The following SLC1A1 variants were observed in gnomAD, a reference collection of about 807,000 sequenced individuals.
SLC1A1 encodes solute carrier family 1 member 1, also known as excitatory amino acid transporter 3.
In SLC1A1, 43 loss-of-function variants were observed where a neutral mutation model predicts 53.3. The ratio of observed to expected loss-of-function variants is 0.81; its 90% CI spans 0.63 to 1.04. The LOEUF is 1.04. SLC1A1 is among the 50% of genes least tolerant of loss of function. The pLI is 0.00. For missense variants in SLC1A1, 748 were observed against 664.9 expected (o/e 1.12, Z -1.37); for synonymous variants, 307 against 243.2 (o/e 1.26, Z -2.44).
intron 1 of SLC1A1, among the ~76,000 whole-genome samples, chr9:4,510,259 A>G (rs1820956068): frequency 6.6e-6 from 1 of 152,180 alleles, no homozygotes; most frequent in Non-Finnish European, 1.5e-5. Context: ...TGTTCACACA[A>G]GCCTAGCCCT....
chr9:4,533,718 C>T (rs1319960004), intron 1 of SLC1A1, among the ~76,000 whole-genome samples: 5 of 152,208 alleles, frequency 3.3e-5, no homozygotes, highest in African/African-American at 7.2e-5. Context: ...GCAGACCTAA[C>T]AGACATCTAC....
chr9:4,500,433 G>A (rs1005269165), intron 1 of SLC1A1, among the ~76,000 whole-genome samples: 5 of 152,016 alleles, frequency 3.3e-5, no homozygotes, highest in African/African-American at 9.7e-5. Context: ...TCAGCCTCCC[G>A]GGTAGCTGGC....
intron 6 of SLC1A1, among the ~76,000 whole-genome samples, chr9:4,571,664 G>A (rs1021751464): frequency 2.8e-4 from 42 of 148,690 alleles, no homozygotes; most frequent in Middle Eastern, 6.8e-3. Context: ...GTAACAGAGC[G>A]AGACTCCATC....
chr9:4,512,908 G>A (rs1298550736), intron 1 of SLC1A1, among the ~76,000 whole-genome samples: 4 of 152,102 alleles, frequency 2.6e-5, no homozygotes, highest in African/African-American at 4.8e-5. Context: ...GAGATTGCAG[G>A]TGTGAGCCAC....
At chr9:4,542,527 C>T (rs189457104) in intron 1 of SLC1A1, among the ~76,000 whole-genome samples, 1 of 152,130 alleles carries the variant, frequency 6.6e-6, no homozygotes, top group Non-Finnish European at 1.5e-5. Flanking sequence ...CAACAGAGTC[C>T]TTGTGTGGCT....
At chr9:4,558,296 G>A (rs950054318) in intron 2 of SLC1A1, among the ~76,000 whole-genome samples, 1 of 152,190 alleles carries the variant, frequency 6.6e-6, no homozygotes, top group Non-Finnish European at 1.5e-5. Context: ...CTGCCCCCAT[G>A]TTGATGACTA....
chr9:4,504,802 A>G (rs1820744081), intron 1 of SLC1A1, among the ~76,000 whole-genome samples: 1 of 152,174 alleles, frequency 6.6e-6, no homozygotes, highest in African/African-American at 2.4e-5. Context: ...AAGCTTTTAT[A>G]TTTAATATAC....
chr9:4,535,156 G>T (rs1816625376), intron 1 of SLC1A1, among the ~76,000 whole-genome samples: 1 of 152,182 alleles, frequency 6.6e-6, no homozygotes, highest in African/African-American at 2.4e-5. Context: ...ACAAGACAGA[G>T]ATGACCTCTC....
intron 1 of SLC1A1, among the ~76,000 whole-genome samples, chr9:4,537,005 G>A (rs1475873616): frequency 6.6e-6 from 1 of 151,998 alleles, no homozygotes; most frequent in Non-Finnish European, 1.5e-5. Context: ...AGAACACTTG[G>A]ACACAGGAAG....
intron 1 of SLC1A1, among the ~76,000 whole-genome samples, chr9:4,509,857 G>A (rs1820938941): frequency 6.6e-6 from 1 of 152,126 alleles, no homozygotes. Context: ...TTACTGAGAT[G>A]GAATCTTGCT....
At chr9:4,492,834 G>C (rs1820284042) in intron 1 of SLC1A1, among the ~76,000 whole-genome samples, 1 of 151,958 alleles carries the variant, frequency 6.6e-6, no homozygotes, top group African/African-American at 2.4e-5. Context: ...GATAAACATT[G>C]GCTTGAGTCT....
chr9:4,578,868 A>G (rs117451580), intron 10 of SLC1A1, among the ~76,000 whole-genome samples: 1,871 of 152,296 alleles, frequency 0.012, 20 homozygotes, highest in Non-Finnish European at 0.019. Flanking sequence ...ATTAGAGTTA[A>G]CCTGAAGACT....
At chr9:4,528,887 T>G (rs1426917705) in intron 1 of SLC1A1, among the ~76,000 whole-genome samples, 1 of 152,094 alleles carries the variant, frequency 6.6e-6, no homozygotes, top group Non-Finnish European at 1.5e-5. Context: ...TTAAGCATCT[T>G]CCCCTCAGTG....
At chr9:4,497,803 G>A (rs59242882) in intron 1 of SLC1A1, among the ~76,000 whole-genome samples, 18,404 of 151,916 alleles carry the variant, frequency 0.12, 1,534 homozygotes, top group African/African-American at 0.24. Flanking sequence ...ACTCTTAACT[G>A]TTTTTTTAAT....
chr9:4,502,139 C>T (rs968347171), intron 1 of SLC1A1, among the ~76,000 whole-genome samples: 1 of 151,332 alleles, frequency 6.6e-6, no homozygotes, highest in East Asian at 1.9e-4. Context: ...GTAATTCTAG[C>T]ACTTTGGGAG....
intron 3 of SLC1A1, 81 bp from the exon 4 acceptor site, chr9:4,564,263 G>A (rs1819268067): frequency 4.3e-6 from 4 of 921,876 alleles, no homozygotes; most frequent in African/African-American, 1.6e-5. Context: ...GTACAACCAT[G>A]CCCATTGTTC....
chr9:4,532,854 C>T (rs139449186), intron 1 of SLC1A1, among the ~76,000 whole-genome samples: 1 of 152,152 alleles, frequency 6.6e-6, no homozygotes, highest in Non-Finnish European at 1.5e-5. Context: ...ATCAGACTAA[C>T]AGCTGATCTC....
At chr9:4,491,261 G>C (rs1820227695) in intron 1 of SLC1A1, among the ~76,000 whole-genome samples, 1 of 152,212 alleles carries the variant, frequency 6.6e-6, no homozygotes, top group Non-Finnish European at 1.5e-5. Context: ...CCTTAGGGGA[G>C]GGAGGCTGAG....
At chr9:4,551,436 G>A (rs1564028817) in intron 2 of SLC1A1, among the ~76,000 whole-genome samples, 1 of 152,164 alleles carries the variant, frequency 6.6e-6, no homozygotes, top group Admixed American at 6.5e-5. Context: ...ATGGAGCTGA[G>A]GTCATCTGAT....
Sources: gnomAD v4.1 joint callset for allele counts (sites outside exome capture counted in the v4.1 genomes callset) on GRCh38, gnomAD v4.1.1 for gene constraint, MANE v1.5 for transcripts, NCBI Gene and HGNC (gene_info 2026-07-23, HGNC 2026-07-21) for gene names.